Variants in KCNMA1 observed in about 807,000 individuals in gnomAD.
KCNMA1 encodes the protein potassium calcium-activated channel subfamily M alpha 1, also known as Calcium-activated potassium channel subunit alpha-1.
A neutral mutation model predicts 140.0 loss-of-function variants in KCNMA1; 29 were observed. The observed-to-expected ratio is 0.21, with a 90% CI of 0.15 to 0.28. The LOEUF (loss-of-function observed/expected upper bound fraction) is 0.28, where lower values mean the gene tolerates loss of function less well. Among genes scored for constraint, KCNMA1 ranks in the 10% least tolerant of loss-of-function variants. The probability of loss-of-function intolerance (pLI) is 1.00; values close to 1 mark genes in which losing one functional copy is unlikely to be tolerated. For missense variants in KCNMA1, 880 were observed against 1,602.2 expected (o/e 0.55, Z 7.70); for synonymous variants, 612 against 611.9 (o/e 1.00, Z 0.00).
At chr10:77,308,726 T>C (rs577288942) in intron 2 of KCNMA1, among the ~76,000 whole-genome samples, 1 of 152,174 alleles carries the variant, frequency 6.6e-6, no homozygotes, top group Non-Finnish European at 1.5e-5. Context: ...GTGTCCACCA[T>C]CACACATACA....
At chr10:77,558,998 G>A (rs7902571) in intron 1 of KCNMA1, among the ~76,000 whole-genome samples, 2 of 152,168 alleles carry the variant, frequency 1.3e-5, no homozygotes, top group African/African-American at 4.8e-5. Context: ...AAGCTCCAGG[G>A]CTACGCTGGG....
At chr10:77,069,991 T>A (rs1446629944) in intron 14 of KCNMA1, among the ~76,000 whole-genome samples, 2 of 152,146 alleles carry the variant, frequency 1.3e-5, no homozygotes, top group African/African-American at 4.8e-5. Flanking sequence ...AATTTTTGTA[T>A]TTTTAGTAGA....
intron 14 of KCNMA1, among the ~76,000 whole-genome samples, chr10:77,044,102 G>T (rs2094898701): frequency 1.3e-5 from 2 of 152,140 alleles, no homozygotes; most frequent in African/African-American, 4.8e-5. Flanking sequence ...CTTAAGTCAT[G>T]CCAGAACAAG....
rs74935699 is a variant in KCNMA1, at chr10:76,929,512, C to T, written c.2903-14463G>A. 1.8e-4 allele frequency among the ~76,000 whole-genome samples: 28 copies of T among 152,330 alleles called. No homozygotes were observed. In the East Asian group the frequency reaches 5.0e-3, roughly 27 times the overall value. The stretch of plus-strand genomic sequence containing the variant: ...AATGCCCATTATATGCTTTCCAAAT[C>T]TCCTAGCAATCATGCCTAGGAGAAT... On this transcript the variant is annotated intron_variant, in intron 23 of 27. Transcript: ENST00000286628.
intron 3 of KCNMA1, among the ~76,000 whole-genome samples, chr10:77,189,297 G>A (rs932425162): frequency 6.6e-6 from 1 of 152,108 alleles, no homozygotes; most frequent in African/African-American, 2.4e-5. Flanking sequence ...TTCAGTGTTT[G>A]AGCCAGCCCC....
chr10:77,329,224 A>G (rs1294252802), intron 2 of KCNMA1, among the ~76,000 whole-genome samples: 1 of 152,230 alleles, frequency 6.6e-6, no homozygotes, highest in East Asian at 1.9e-4. Flanking sequence ...TTCATAATGC[A>G]TACCAGAAAT....
At chr10:77,398,433 A>C (rs976614292) in intron 2 of KCNMA1, among the ~76,000 whole-genome samples, 9 of 152,180 alleles carry the variant, frequency 5.9e-5, no homozygotes, top group South Asian at 4.1e-4. Flanking sequence ...TTTAATTTGC[A>C]TGTCTCTGAA....
chr10:77,513,122 AT>A (rs1390037886), intron 1 of KCNMA1, among the ~76,000 whole-genome samples: 3 of 114,710 alleles, frequency 2.6e-5, no homozygotes, highest in Non-Finnish European at 5.3e-5. Context: ...CCTACCCAGC[AT>A]TTCCCCCACC....
chr10:77,604,280 A>G (rs2083625799), intron 1 of KCNMA1, among the ~76,000 whole-genome samples: 1 of 152,268 alleles, frequency 6.6e-6, no homozygotes, highest in East Asian at 1.9e-4. Context: ...TATCACCTGC[A>G]AAACCCACAG....
intron 9 of KCNMA1, among the ~76,000 whole-genome samples, chr10:77,104,236 C>G (rs747678082): frequency 6.6e-6 from 1 of 152,166 alleles, no homozygotes; most frequent in Non-Finnish European, 1.5e-5. Context: ...TTAGGCTGCA[C>G]TGATTCACAT....
intron 3 of KCNMA1, among the ~76,000 whole-genome samples, chr10:77,227,507 T>C (rs1421530826): frequency 2.0e-5 from 3 of 151,460 alleles, no homozygotes; most frequent in African/African-American, 7.2e-5. Flanking sequence ...TTATGGATAT[T>C]AGTACTTCAT....
chr10:77,452,295 T>C (rs1245711180), intron 1 of KCNMA1, among the ~76,000 whole-genome samples: 1 of 152,194 alleles, frequency 6.6e-6, no homozygotes, highest in East Asian at 1.9e-4. Flanking sequence ...ACATTTGAGT[T>C]ACATTTGAGG....
chr10:77,161,136 T>G (rs981323983), intron 5 of KCNMA1, among the ~76,000 whole-genome samples: 5 of 152,150 alleles, frequency 3.3e-5, no homozygotes, highest in Non-Finnish European at 4.4e-5. Context: ...CAAGGACAGA[T>G]GTGGGATAAG....
At chr10:77,183,395 G>A (rs905240224) in intron 5 of KCNMA1, 26 bp downstream of exon 5, 2 of 1,479,418 alleles carry the variant, frequency 1.4e-6, no homozygotes, top group Admixed American at 1.7e-5. Context: ...GAACCAGGAA[G>A]GAGAAGGAAA....
rs1865019 is a variant in KCNMA1, at chr10:76,934,532, A to C, written c.2902+10241T>G. ...GAAATGTTCCAAGCCCTGTATCCTT[A>C]AGTATGTGTGTCAAAGTCATTCCAT... On this transcript the variant is annotated intron_variant, in intron 23 of 27. Transcript: ENST00000286628. Among the ~76,000 whole-genome samples, 1,160 of 152,304 alleles carry C rather than the reference A, an allele frequency of 7.6e-3. 15 individuals carry two copies. The highest frequency in any genetic ancestry group is 0.027 in the African/African-American group (1,103 of 41,562).
At chr10:77,506,564 A>T (rs1425016350) in intron 1 of KCNMA1, among the ~76,000 whole-genome samples, 2 of 145,516 alleles carry the variant, frequency 1.4e-5, no homozygotes, top group Admixed American at 1.4e-4. Flanking sequence ...GGAAAGAGAG[A>T]TGTTCCTAGA....
chr10:77,463,241 C>T (rs1166055864), intron 1 of KCNMA1, among the ~76,000 whole-genome samples: 1 of 152,162 alleles, frequency 6.6e-6, no homozygotes, highest in Non-Finnish European at 1.5e-5. Context: ...GGGAAGATAC[C>T]ACCCACCATC....
At chr10:77,115,794 A>G (rs1326901180) in intron 6 of KCNMA1, among the ~76,000 whole-genome samples, 1 of 152,174 alleles carries the variant, frequency 6.6e-6, no homozygotes, top group Non-Finnish European at 1.5e-5. Flanking sequence ...CTGAAATCTG[A>G]TTATTTTTAT....
At chr10:77,572,577 T>TCC (rs2071936594) in intron 1 of KCNMA1, among the ~76,000 whole-genome samples, 1 of 78,090 alleles carries the variant, frequency 1.3e-5, no homozygotes, top group Non-Finnish European at 2.4e-5. Context: ...TCCATATATA[T>TCC]ATATATATAT....
Sources: gnomAD v4.1 joint callset for allele counts (sites outside exome capture counted in the v4.1 genomes callset) on GRCh38, gnomAD v4.1.1 for gene constraint, MANE v1.5 for transcripts, NCBI Gene and HGNC (gene_info 2026-07-23, HGNC 2026-07-21) for gene names.